The following SNX13 variants were observed in gnomAD, a reference collection of about 807,000 sequenced individuals.
SNX13 encodes sorting nexin-13.
A neutral mutation model predicts 133.6 loss-of-function variants in SNX13; 45 were observed. The ratio of observed to expected loss-of-function variants is 0.34; its 90% CI spans 0.27 to 0.43. SNX13 has a LOEUF of 0.43. Among genes scored for constraint, SNX13 ranks in the 20% least tolerant of loss-of-function variants. The pLI is 1.00. For synonymous variants in SNX13, 414 were observed against 373.9 expected, an observed-to-expected ratio of 1.11 and a Z score of -1.24; for missense variants, 1,032 against 1,145.1, an observed-to-expected ratio of 0.90 and a Z score of 1.43.
chr7:17,806,057 C>A (rs149093938), intron 20 of SNX13, among the ~76,000 whole-genome samples: 1 of 152,106 alleles, frequency 6.6e-6, no homozygotes, highest in South Asian at 2.1e-4. Context: ...CAGGAGATTA[C>A]GGATTGCCAG....
intron 15 of SNX13, among the ~76,000 whole-genome samples, 174 bp downstream of exon 15, chr7:17,833,878 G>A (rs1395709969): frequency 6.6e-6 from 1 of 151,486 alleles, no homozygotes; most frequent in Non-Finnish European, 1.5e-5. Context: ...TAAATTTTCA[G>A]CATTTTAATT....
chr7:17,894,297 A>G (rs1796967492), intron 2 of SNX13, among the ~76,000 whole-genome samples: 1 of 150,264 alleles, frequency 6.7e-6, no homozygotes, highest in Admixed American at 6.7e-5. Flanking sequence ...ACTCGCCTCA[A>G]AAAAAAAAAG....
intron 20 of SNX13, among the ~76,000 whole-genome samples, chr7:17,812,824 G>A (rs1201720538): frequency 6.6e-6 from 1 of 152,100 alleles, no homozygotes; most frequent in Non-Finnish European, 1.5e-5. Context: ...CATATAAAAG[G>A]ATGAGTTCAT....
intron 18 of SNX13, among the ~76,000 whole-genome samples, chr7:17,819,822 C>G (rs948939654): frequency 2.7e-4 from 41 of 152,000 alleles, no homozygotes; most frequent in Admixed American, 2.6e-3. Context: ...TTCTTAAGTT[C>G]TGTGAACAAT....
intron 2 of SNX13, among the ~76,000 whole-genome samples, chr7:17,893,788 C>T (rs1006111264): frequency 1.3e-5 from 2 of 151,900 alleles, no homozygotes; most frequent in African/African-American, 4.8e-5. Context: ...GCTTGACCAA[C>T]ATGGTGAAAC....
chr7:17,926,163 G>C lies in SNX13; in HGVS notation c.12+14121C>G, dbSNP rs114527536. ...GTAACAGAAGATAAATACGAAGAAA[G>C]TAGAGAGAAAGCAAATATGACAGTT... On this transcript the variant is annotated intron_variant, in intron 1 of 25. Transcript: ENST00000428135. 4.8e-3 allele frequency among the ~76,000 whole-genome samples: 736 copies of C among 152,258 alleles called. 8 individuals are homozygous for C. Among genetic ancestry groups the C allele is most frequent in the African/African-American group, 0.017 (692 of 41,546 alleles).
At chr7:17,881,035 T>G (rs1200428497) in intron 5 of SNX13, 1 of 152,134 alleles carries the variant, frequency 6.6e-6, no homozygotes, top group South Asian at 2.1e-4. Flanking sequence ...AATATTTTCC[T>G]GGAAAAGGTG....
At chr7:17,808,327 A>T (rs1340562728) in intron 20 of SNX13, among the ~76,000 whole-genome samples, 2 of 152,220 alleles carry the variant, frequency 1.3e-5, no homozygotes, top group Non-Finnish European at 2.9e-5. Flanking sequence ...TCAATAGCTG[A>T]ATCAATTAAG....
chr7:17,913,072 C>T (rs1799167835), intron 1 of SNX13, among the ~76,000 whole-genome samples: 1 of 152,172 alleles, frequency 6.6e-6, no homozygotes, highest in South Asian at 2.1e-4. Flanking sequence ...GAGTGTCTCA[C>T]TAGTTCTGAG....
At chr7:17,880,505 A>C (rs1795215465) in intron 5 of SNX13, 1 of 152,202 alleles carries the variant, frequency 6.6e-6, no homozygotes, top group African/African-American at 2.4e-5. Flanking sequence ...TAAATCACCA[A>C]TATTCAGGTC....
chr7:17,935,975 G>A (rs1278972853), intron 1 of SNX13, among the ~76,000 whole-genome samples: 2 of 152,208 alleles, frequency 1.3e-5, no homozygotes, highest in East Asian at 3.8e-4. Flanking sequence ...ACAACTGTGT[G>A]TGAGCGTGGA....
chr7:17,805,301 T>C (rs1785170180), intron 20 of SNX13, among the ~76,000 whole-genome samples: 1 of 147,908 alleles, frequency 6.8e-6, no homozygotes, highest in Non-Finnish European at 1.5e-5. Flanking sequence ...TTCTATATAC[T>C]GTAGTTTTTG....
Position 17,816,165 on chromosome 7 carries a change from A to G in SNX13, c.1953+17T>C, listed in dbSNP as rs762648659. ...TATTAAATGAAAATCTGTGGATTAT[A>G]GTAAACATGAGCTTACCTGCAAATA... On this transcript the variant is annotated intron_variant, in intron 19 of 25. Transcript: ENST00000428135. 4.6e-6 allele frequency: 7 copies of G among 1,519,004 alleles called. No homozygotes were observed. The South Asian group carries it at 8.7e-5, about 19-fold the overall frequency. 94.1% of individuals were successfully genotyped at this position (1,519,004 alleles called of 1,614,324 possible). A position where few individuals can be genotyped will look rare whatever the true frequency, so the allele number is the denominator to read the frequency against.
chr7:17,866,102 C>T lies in SNX13; in HGVS notation c.837+2305G>A, dbSNP rs187344655. On this transcript the variant is annotated intron_variant, in intron 9 of 25. Transcript: ENST00000428135. ...TGGGCAAAGATTTCTTACATAAGAC[C>T]TCAAAAGCATAGGGAACCAAAGCAA... 2.8e-3 allele frequency among the ~76,000 whole-genome samples: 427 copies of T among 152,070 alleles called. 12 individuals carry two copies. The highest frequency in any genetic ancestry group is 0.025 in the Admixed American group (387 of 15,270).
At position 17,816,242 on chromosome 7, in the gene SNX13, A is replaced by G. The variant is rs750339999; in HGVS notation, c.1893T>C (p.Phe631=). 1.3e-5 allele frequency: 20 copies of G among 1,543,804 alleles called. No individual in the cohort carries two copies. In the Middle Eastern group the frequency reaches 5.1e-4, roughly 39 times the overall value. The change falls in exon 19 of 26, where the codon TTT becomes TTC. Residue 631 remains phenylalanine, a synonymous_variant. Transcript: ENST00000428135. ...CTAAAAAATCTCTATCCATATTATTAAAAGTCTTTTTTCCAGGAAGTTTCA... is the reference window on the plus strand; with the variant it reads ...CTAAAAAATCTCTATCCATATTATTGAAAGTCTTTTTTCCAGGAAGTTTCA... ...SILKLPGKKT[F]NNMDRDFLEK...
chr7:17,794,890 A>T (rs966557044), intron 25 of SNX13: 3 of 151,740 alleles, frequency 2.0e-5, no homozygotes, highest in Non-Finnish European at 4.4e-5. Context: ...TGCTAAAAGT[A>T]TAAGAATATT....
chr7:17,885,105 T>C (rs940874409), intron 5 of SNX13, among the ~76,000 whole-genome samples: 5 of 152,280 alleles, frequency 3.3e-5, no homozygotes, highest in Middle Eastern at 3.4e-3. Context: ...TAAATGCCCA[T>C]TTACTGATGA....
rs745798626 is a variant in SNX13, at chr7:17,794,102, C to T, written c.2817G>A (p.Met939Ile). 1.8e-5 allele frequency: 29 copies of T among 1,611,512 alleles called. No homozygotes were observed. Among genetic ancestry groups the T allele is most frequent in the East Asian group, 2.2e-5 (1 of 44,822 alleles). The change falls in exon 26 of 26, where the codon ATG (methionine) becomes ATA (isoleucine). Residue 939 changes from methionine (M) to isoleucine (I), a missense_variant. Physicochemically the swap from Met to Ile is conservative, Grantham distance 10. Transcript: ENST00000428135. The part of the protein sequence containing the change: ...FNKLHSRSKQ[M>I]QKYKQKLQTT... ...TTTGAAGTTTCTGTTTATATTTCTG[C>T]ATCTGCTTTGACCGTGAATGCAGTT... is the stretch of plus-strand genomic sequence containing the variant.
chr7:17,930,789 G>A (rs913480212), intron 1 of SNX13, among the ~76,000 whole-genome samples: 9 of 152,140 alleles, frequency 5.9e-5, no homozygotes, highest in African/African-American at 1.9e-4. Context: ...GGTTAGTGGC[G>A]GGGAGTGGGC....
Sources: allele counts gnomAD v4.1 joint callset (sites outside exome capture counted in the v4.1 genomes callset), GRCh38; gene constraint gnomAD v4.1.1; transcripts MANE v1.5; gene names NCBI Gene and HGNC (gene_info 2026-07-23, HGNC 2026-07-21).